The following CPQ variants were observed in gnomAD, a reference collection of about 807,000 sequenced individuals.
CPQ encodes Ser-Met dipeptidase.
CPQ carries 37 observed loss-of-function variants against 45.7 expected under a neutral mutation model. That is an observed-to-expected ratio of 0.81 (90% CI 0.62 to 1.07). The LOEUF (loss-of-function observed/expected upper bound fraction) is 1.07. Ranked by LOEUF, CPQ falls within the 50% of genes least tolerant of loss-of-function variation. The pLI is 0.00. For synonymous variants in CPQ, 186 were observed against 205.8 expected, an observed-to-expected ratio of 0.90 and a Z score of 0.82; for missense variants, 537 against 572.9, an observed-to-expected ratio of 0.94 and a Z score of 0.64.
At chr8:96,857,590 C>T (rs139220629) in intron 3 of CPQ, among the ~76,000 whole-genome samples, 2 of 152,306 alleles carry the variant, frequency 1.3e-5, no homozygotes, top group Non-Finnish European at 2.9e-5. Context: ...AGCTTTTAGT[C>T]ATTCTTTTAC....
chr8:97,043,210 C>T (rs201939184), intron 6 of CPQ, among the ~76,000 whole-genome samples: 10 of 152,104 alleles, frequency 6.6e-5, no homozygotes, highest in Admixed American at 2.6e-4. Context: ...TTAGCTCTTC[C>T]TGTTGAATTG....
intron 1 of CPQ, among the ~76,000 whole-genome samples, chr8:96,718,838 C>A (rs1248324812): frequency 6.6e-5 from 10 of 152,128 alleles, no homozygotes. Flanking sequence ...AAGGCCCCAC[C>A]AGAGTAGCTA....
chr8:97,011,484 T>C (rs75719449), intron 5 of CPQ, among the ~76,000 whole-genome samples: 4,179 of 152,280 alleles, frequency 0.027, 127 homozygotes, highest in African/African-American at 0.077. Flanking sequence ...CAGAAGAAGA[T>C]GGAGGTTGCA....
chr8:96,677,985 T>C (rs1179143071), intron 1 of CPQ, among the ~76,000 whole-genome samples: 1 of 152,098 alleles, frequency 6.6e-6, no homozygotes, highest in South Asian at 2.1e-4. Context: ...TTACTTAATA[T>C]ATTTGGCTTT....
intron 1 of CPQ, among the ~76,000 whole-genome samples, chr8:96,762,628 T>C (rs1395039386): frequency 6.6e-6 from 1 of 152,150 alleles, no homozygotes; most frequent in South Asian, 2.1e-4. Flanking sequence ...TCTGCCCCAC[T>C]TCCCAAGAAG....
intron 4 of CPQ, among the ~76,000 whole-genome samples, chr8:96,886,458 CA>C (rs1812308321): frequency 6.6e-6 from 1 of 152,180 alleles, no homozygotes; most frequent in South Asian, 2.1e-4. Context: ...TTTGAAAATT[CA>C]GAGGAAACTT....
chr8:97,126,833 A>C (rs1563588435), intron 7 of CPQ, among the ~76,000 whole-genome samples: 1 of 152,230 alleles, frequency 6.6e-6, no homozygotes. Flanking sequence ...TATTGGCATA[A>C]GAATAGACAG....
At chr8:97,078,756 T>G (rs1810892709) in intron 7 of CPQ, among the ~76,000 whole-genome samples, 1 of 147,302 alleles carries the variant, frequency 6.8e-6, no homozygotes. Flanking sequence ...TATGATATCA[T>G]TTCCATTTCT....
At chr8:96,782,335 AG>A (rs1179804242) in intron 1 of CPQ, among the ~76,000 whole-genome samples, 2 of 152,180 alleles carry the variant, frequency 1.3e-5, no homozygotes, top group Non-Finnish European at 2.9e-5. Flanking sequence ...TCAGGAGCAG[AG>A]GCCTTAGCTG....
intron 5 of CPQ, among the ~76,000 whole-genome samples, chr8:96,973,075 A>T (rs1221557868): frequency 6.6e-6 from 1 of 152,170 alleles, no homozygotes; most frequent in African/African-American, 2.4e-5. Flanking sequence ...AAAGTTGATT[A>T]TTAAGTTAAT....
chr8:96,957,280 T>C (rs929531237), intron 4 of CPQ, among the ~76,000 whole-genome samples: 2 of 152,138 alleles, frequency 1.3e-5, no homozygotes, highest in Non-Finnish European at 2.9e-5. Flanking sequence ...TTGAGTAACT[T>C]TCATTTAAAC....
chr8:96,817,474 G>A (rs1360690987), intron 2 of CPQ, among the ~76,000 whole-genome samples: 1 of 152,124 alleles, frequency 6.6e-6, no homozygotes, highest in African/African-American at 2.4e-5. Context: ...GAGAGTTAGG[G>A]CTTTCCTCTG....
intron 4 of CPQ, among the ~76,000 whole-genome samples, chr8:96,895,389 T>C (rs145327762): frequency 6.6e-6 from 1 of 152,302 alleles, no homozygotes; most frequent in Admixed American, 6.5e-5. Context: ...TCAAATCTAG[T>C]TGTTGTTTAA....
intron 7 of CPQ, among the ~76,000 whole-genome samples, chr8:97,108,467 G>A (rs574407932): frequency 2.0e-5 from 3 of 152,324 alleles, no homozygotes; most frequent in Admixed American, 6.5e-5. Flanking sequence ...TGAATAAGAA[G>A]AATATAACTC....
intron 3 of CPQ, among the ~76,000 whole-genome samples, chr8:96,865,082 AT>A (rs1193179540): frequency 6.6e-6 from 1 of 152,066 alleles, no homozygotes; most frequent in African/African-American, 2.4e-5. Flanking sequence ...ACTGACATTT[AT>A]AACAATAATA....
At chr8:96,933,526 G>A (rs1813002130) in intron 4 of CPQ, among the ~76,000 whole-genome samples, 1 of 152,166 alleles carries the variant, frequency 6.6e-6, no homozygotes, top group Non-Finnish European at 1.5e-5. Context: ...TAATTCAGAG[G>A]AGGAGACTGA....
chr8:96,848,131 G>C (rs1811723913), intron 3 of CPQ, among the ~76,000 whole-genome samples: 1 of 151,944 alleles, frequency 6.6e-6, no homozygotes, highest in Admixed American at 6.6e-5. Context: ...TGCCTCACTG[G>C]TTACTGCTCC....
intron 4 of CPQ, among the ~76,000 whole-genome samples, chr8:96,949,701 C>T (rs1563536317): frequency 6.6e-6 from 1 of 152,046 alleles, no homozygotes; most frequent in South Asian, 2.1e-4. Flanking sequence ...TCTTATTAGC[C>T]CAACCTCCTT....
intron 7 of CPQ, among the ~76,000 whole-genome samples, chr8:97,128,325 T>C (rs925384075): frequency 6.6e-6 from 1 of 152,192 alleles, no homozygotes; most frequent in African/African-American, 2.4e-5. Context: ...GTGTAAGTCC[T>C]AGCTCTCCTA....
Sources: allele counts gnomAD v4.1 joint callset (sites outside exome capture counted in the v4.1 genomes callset), GRCh38; gene constraint gnomAD v4.1.1; transcripts MANE v1.5; gene names NCBI Gene and HGNC (gene_info 2026-07-23, HGNC 2026-07-21).